Variants in CFAP144 observed in about 807,000 individuals in gnomAD.
The protein encoded by CFAP144 is cilia and flagella associated protein 144.
At chr1:43,149,472 A>C in the CFAP144 span, among the ~76,000 whole-genome samples, 1 of 152,200 alleles carries the variant, frequency 6.6e-6, no homozygotes, top group Non-Finnish European at 1.5e-5. Flanking sequence ...TGTGCCTAAT[A>C]TGTAAAGTCC....
the CFAP144 span, chr1:43,150,831 G>C: frequency 6.2e-7 from 1 of 1,602,588 alleles, no homozygotes; most frequent in Non-Finnish European, 8.5e-7. Context: ...GTAAGTCCTG[G>C]GCTTTGAAAT....
the CFAP144 span, among the ~76,000 whole-genome samples, chr1:43,143,186 G>T: frequency 6.6e-6 from 1 of 152,112 alleles, no homozygotes; most frequent in Non-Finnish European, 1.5e-5. Context: ...GGAATCAAAA[G>T]GAGCAAAGAG....
the CFAP144 span, among the ~76,000 whole-genome samples, chr1:43,149,089 G>A: frequency 6.6e-6 from 1 of 152,070 alleles, no homozygotes; most frequent in Non-Finnish European, 1.5e-5. Context: ...CCTCCAAGCT[G>A]GCCCCTCCGA....
the CFAP144 span, among the ~76,000 whole-genome samples, chr1:43,151,271 CCAGTGCATAG>C: frequency 1.9e-4 from 29 of 152,276 alleles, no homozygotes; most frequent in African/African-American, 7.0e-4. Context: ...CAAAGCAATA[CCAGTGCATAG>C]AACAGTAGCT....
the CFAP144 span, among the ~76,000 whole-genome samples, chr1:43,148,594 C>G: frequency 6.6e-6 from 1 of 152,120 alleles, no homozygotes; most frequent in African/African-American, 2.4e-5. Flanking sequence ...AGCTTCAGAT[C>G]CACACGCCCA....
the CFAP144 span, among the ~76,000 whole-genome samples, chr1:43,151,347 C>T: frequency 1.3e-5 from 2 of 152,178 alleles, no homozygotes; most frequent in African/African-American, 2.4e-5. Context: ...ATTAGGTAAT[C>T]TCTATGGTGG....
the CFAP144 span, among the ~76,000 whole-genome samples, chr1:43,143,288 A>G: frequency 6.6e-6 from 1 of 152,198 alleles, no homozygotes; most frequent in African/African-American, 2.4e-5. Flanking sequence ...CAATGTCCTC[A>G]AGGGAAATCC....
the CFAP144 span, among the ~76,000 whole-genome samples, chr1:43,146,153 C>T: frequency 6.6e-6 from 1 of 152,204 alleles, no homozygotes; most frequent in African/African-American, 2.4e-5. Context: ...TAGTTCTGCC[C>T]ACAGATGGCC....
At chr1:43,151,237 C>T in the CFAP144 span, among the ~76,000 whole-genome samples, 1 of 152,132 alleles carries the variant, frequency 6.6e-6, no homozygotes, top group Non-Finnish European at 1.5e-5. Flanking sequence ...TAGCCTATTT[C>T]TCAGGATTGA....
At chr1:43,147,902 C>T in the CFAP144 span, 1 of 1,606,234 alleles carries the variant, frequency 6.2e-7, no homozygotes. Context: ...GACGCGTTGC[C>T]TGGAGACTGT....
chr1:43,152,861 A>G, the CFAP144 span: 2 of 1,613,294 alleles, frequency 1.2e-6, no homozygotes, highest in East Asian at 2.2e-5. Context: ...CATGCTGCCC[A>G]GGGACCAAGG....
chr1:43,151,036 T>A, the CFAP144 span, among the ~76,000 whole-genome samples: 80 of 152,306 alleles, frequency 5.3e-4, 1 homozygote, highest in African/African-American at 1.9e-3. Flanking sequence ...TTAAATAAAA[T>A]TTTTAAAAGA....
the CFAP144 span, among the ~76,000 whole-genome samples, chr1:43,155,405 C>T: frequency 1.3e-5 from 2 of 152,200 alleles, no homozygotes; most frequent in Non-Finnish European, 2.9e-5. Context: ...ACAAGTGTGG[C>T]CTGCCCTGCT....
chr1:43,145,019 C>A, the CFAP144 span: 2 of 540,088 alleles, frequency 3.7e-6, no homozygotes, highest in Non-Finnish European at 6.6e-6. Context: ...GTGACAGGAC[C>A]CCTTTTCCAT....
chr1:43,154,610 T>C, the CFAP144 span, among the ~76,000 whole-genome samples: 1 of 151,928 alleles, frequency 6.6e-6, no homozygotes, highest in Admixed American at 6.6e-5. Context: ...TAAATATGAA[T>C]AATGGGTCAA....
chr1:43,156,302 C>T, the CFAP144 span: 1,220 of 1,613,246 alleles, frequency 7.6e-4, 6 homozygotes, highest in African/African-American at 0.014. Context: ...AGGAGATGAT[C>T]ACCACAAGTA....
At chr1:43,148,265 G>T in the CFAP144 span, among the ~76,000 whole-genome samples, 3 of 151,962 alleles carry the variant, frequency 2.0e-5, no homozygotes, top group Non-Finnish European at 4.4e-5. Context: ...AGATGTATTC[G>T]CTGTATTAAA....
the CFAP144 span, among the ~76,000 whole-genome samples, chr1:43,150,451 G>A: frequency 1.3e-5 from 2 of 152,216 alleles, no homozygotes; most frequent in African/African-American, 4.8e-5. Flanking sequence ...ACCGCCTGCA[G>A]CTATTGAGCA....
chr1:43,150,148 C>A, the CFAP144 span, among the ~76,000 whole-genome samples: 2 of 152,214 alleles, frequency 1.3e-5, no homozygotes, highest in African/African-American at 4.8e-5. Context: ...ATCACACTTA[C>A]ATTTGCCGGG....
Sources: gnomAD v4.1 joint callset for allele counts (sites outside exome capture counted in the v4.1 genomes callset) on GRCh38, gnomAD v4.1.1 for gene constraint, MANE v1.5 for transcripts, NCBI Gene and HGNC (gene_info 2026-07-23, HGNC 2026-07-21) for gene names.